The following DTNA variants were observed in gnomAD, a reference collection of about 807,000 sequenced individuals.
The protein encoded by DTNA is dystrophin-related protein 3.
DTNA carries 43 observed loss-of-function variants against 100.7 expected under a neutral mutation model. The observed-to-expected ratio is 0.43, with a 90% CI of 0.33 to 0.55. The LOEUF is 0.55. Among genes scored for constraint, DTNA ranks in the 20% least tolerant of loss-of-function variants. The pLI, the probability that DTNA is intolerant of heterozygous loss-of-function variation, is 0.04. For missense variants in DTNA, 798 were observed against 953.9 expected, an observed-to-expected ratio of 0.84 and a Z score of 2.15; for synonymous variants, 349 against 347.9, an observed-to-expected ratio of 1.00 and a Z score of -0.04.
At chr18:34,793,966 A>G in intron 3 of DTNA, 71 bp from the exon 4 acceptor site, 1 of 1,504,090 alleles carries the variant, frequency 6.6e-7, no homozygotes, top group East Asian at 2.4e-5. Flanking sequence ...AACAGGACAG[A>G]GGGTCATGTA....
intron 4 of DTNA, among the ~76,000 whole-genome samples, chr18:34,796,342 CTT>C (rs1212303715): frequency 6.6e-6 from 1 of 152,184 alleles, no homozygotes; most frequent in African/African-American, 2.4e-5. Context: ...AGAAGAGAAA[CTT>C]AAGAATAAAA....
chr18:34,671,225 G>A (rs549656448), intron 1 of DTNA, among the ~76,000 whole-genome samples: 4 of 152,298 alleles, frequency 2.6e-5, no homozygotes, highest in South Asian at 2.1e-4. Flanking sequence ...GAGACCCTCC[G>A]AGCCATGCGC....
chr18:34,582,661 C>T (rs977936066), intron 1 of DTNA, among the ~76,000 whole-genome samples: 1 of 152,148 alleles, frequency 6.6e-6, no homozygotes, highest in African/African-American at 2.4e-5. Context: ...CTGTGTTTCT[C>T]TCCTCAGGGC....
chr18:34,621,393 C>A (rs1210483336), intron 1 of DTNA, among the ~76,000 whole-genome samples: 1 of 151,974 alleles, frequency 6.6e-6, no homozygotes, highest in Non-Finnish European at 1.5e-5. Flanking sequence ...CTGTAGCATT[C>A]ATTATTCACA....
intron 17 of DTNA, 74 bp downstream of exon 17, chr18:34,864,136 A>C: frequency 7.2e-7 from 1 of 1,381,126 alleles, no homozygotes; most frequent in East Asian, 2.5e-5. Context: ...CATAATGTGC[A>C]ATGGTTTTTC....
chr18:34,581,519 A>C (rs1487879401), intron 1 of DTNA, among the ~76,000 whole-genome samples: 1 of 152,042 alleles, frequency 6.6e-6, no homozygotes, highest in East Asian at 1.9e-4. Flanking sequence ...AGGACAGATA[A>C]ATTTGATAGA....
chr18:34,599,818 C>T (rs1006455812), intron 1 of DTNA, among the ~76,000 whole-genome samples: 2 of 152,136 alleles, frequency 1.3e-5, no homozygotes, highest in African/African-American at 2.4e-5. Context: ...GCTGGGATTA[C>T]AGGCACCCGC....
intron 3 of DTNA, among the ~76,000 whole-genome samples, chr18:34,793,237 C>T (rs1454165495): frequency 2.6e-5 from 4 of 151,328 alleles, no homozygotes; most frequent in Non-Finnish European, 4.4e-5. Context: ...AGGGTGAGGA[C>T]GTGTTCTTTA....
intron 1 of DTNA, among the ~76,000 whole-genome samples, chr18:34,507,608 G>C (rs550966471): frequency 6.6e-6 from 1 of 152,248 alleles, no homozygotes; most frequent in Non-Finnish European, 1.5e-5. Context: ...GGAAATTCAT[G>C]AAAAAGACAA....
intron 9 of DTNA, chr18:34,825,414 G>A: frequency 9.4e-7 from 1 of 1,058,688 alleles, no homozygotes. Flanking sequence ...CAGTTCACAA[G>A]GATGCCACTT....
rs1354082116 is a variant in DTNA at position 34,814,787 on chromosome 18, T to A, written c.604-1122T>A. ...ATTCCTTTTGAAATATCCTATAGAC[T>A]GTTCTGTTATATGATTTATATATAT... is the stretch of plus-strand genomic sequence containing the variant. On this transcript the variant is annotated intron_variant, in intron 6 of 22. Coordinates refer to ENST00000444659, the MANE Select transcript of DTNA (RefSeq NM_001386795.1). Among the ~76,000 whole-genome samples, 4 of 152,216 alleles carry A rather than the reference T, an allele frequency of 2.6e-5. No individual in the cohort carries two copies. In the East Asian group the frequency reaches 7.7e-4, roughly 29 times the overall value.
chr18:34,526,917 G>A (rs1023878886), intron 1 of DTNA, among the ~76,000 whole-genome samples: 1 of 152,088 alleles, frequency 6.6e-6, no homozygotes, highest in African/African-American at 2.4e-5. Flanking sequence ...AAGAGGTGCA[G>A]GCAAGAATTT....
intron 19 of DTNA, among the ~76,000 whole-genome samples, 158 bp downstream of exon 19, chr18:34,877,966 TTTTG>T (rs1449125292): frequency 2.0e-5 from 3 of 152,110 alleles, no homozygotes; most frequent in African/African-American, 7.2e-5. Context: ...GGGGTTTTTT[TTTTG>T]TTTGTTTGTT....
intron 1 of DTNA, among the ~76,000 whole-genome samples, chr18:34,666,634 A>G (rs1426949488): frequency 1.3e-5 from 2 of 152,132 alleles, no homozygotes; most frequent in Non-Finnish European, 2.9e-5. Flanking sequence ...TCAGCTTTCT[A>G]CCTATGGCTA....
At chr18:34,625,182 AC>A (rs1209421078) in intron 1 of DTNA, among the ~76,000 whole-genome samples, 1 of 151,974 alleles carries the variant, frequency 6.6e-6, no homozygotes, top group Non-Finnish European at 1.5e-5. Flanking sequence ...TTATACCACC[AC>A]GTCCGGCTAA....
intron 9 of DTNA, 122 bp from the exon 10 acceptor site, chr18:34,827,471 T>C: frequency 1.2e-6 from 1 of 865,900 alleles, no homozygotes; most frequent in Non-Finnish European, 2.0e-6. Flanking sequence ...AGATTTCTTG[T>C]TGATCCTGGG....
chr18:34,867,531 C>T (rs2096718843), intron 17 of DTNA: 2 of 1,156,362 alleles, frequency 1.7e-6, no homozygotes. Flanking sequence ...CATGATACTT[C>T]TCTGCAAATG....
chr18:34,576,745 A>C (rs1334617593), intron 1 of DTNA, among the ~76,000 whole-genome samples: 1 of 152,172 alleles, frequency 6.6e-6, no homozygotes, highest in African/African-American at 2.4e-5. Flanking sequence ...AGGCATGAGC[A>C]ACCATGCCCA....
At chr18:34,846,175 C>T (rs546696018) in intron 13 of DTNA, among the ~76,000 whole-genome samples, 105 of 152,126 alleles carry the variant, frequency 6.9e-4, no homozygotes, top group Non-Finnish European at 7.8e-4. Flanking sequence ...TCCCACCCTC[C>T]CAACCTCCCC....
Sources: gnomAD v4.1 joint callset for allele counts (sites outside exome capture counted in the v4.1 genomes callset) on GRCh38, gnomAD v4.1.1 for gene constraint, MANE v1.5 for transcripts, NCBI Gene and HGNC (gene_info 2026-07-23, HGNC 2026-07-21) for gene names.